SEMA3A: variants seen among roughly 807,000 people sequenced by gnomAD.
SEMA3A encodes semaphorin 3A, also known as semaphorin-3A.
A neutral mutation model predicts 97.9 loss-of-function variants in SEMA3A; 29 were observed. The ratio of observed to expected loss-of-function variants is 0.30; its 90% CI spans 0.22 to 0.40. The LOEUF is 0.40. Ranked by LOEUF, SEMA3A falls within the 10% of genes least tolerant of loss-of-function variation. SEMA3A has a pLI of 1.00. For missense variants in SEMA3A, 763 were observed against 951.3 expected (o/e 0.80, Z 2.60); for synonymous variants, 321 against 323.7 (o/e 0.99, Z 0.09).
chr7:84,342,335 C>T (rs567470496), intron 2 of SEMA3A, among the ~76,000 whole-genome samples: 1 of 152,070 alleles, frequency 6.6e-6, no homozygotes, highest in Non-Finnish European at 1.5e-5. Flanking sequence ...ACACTTGCCA[C>T]TATAGAATTT....
chr7:84,411,907 A>G (rs569004118), intron 1 of SEMA3A, among the ~76,000 whole-genome samples: 2 of 152,264 alleles, frequency 1.3e-5, no homozygotes, highest in South Asian at 4.1e-4. Flanking sequence ...TATAAAATAG[A>G]CACCTTGTAT....
At chr7:83,998,151 C>T (rs986683414) in intron 12 of SEMA3A, among the ~76,000 whole-genome samples, 2 of 152,010 alleles carry the variant, frequency 1.3e-5, no homozygotes, top group East Asian at 1.9e-4. Context: ...AGTACTTGTA[C>T]TGTCATGTAT....
intron 3 of SEMA3A, 117 bp downstream of exon 3, chr7:84,129,006 G>T (rs776729993): frequency 4.8e-5 from 35 of 723,140 alleles, no homozygotes; most frequent in South Asian, 1.4e-4. Flanking sequence ...TATATGAAAA[G>T]ATTCTAACCC....
intron 3 of SEMA3A, among the ~76,000 whole-genome samples, chr7:84,298,472 C>A (rs1464352201): frequency 6.6e-6 from 1 of 152,076 alleles, no homozygotes; most frequent in Non-Finnish European, 1.5e-5. Context: ...AATGGATTCA[C>A]ATAAAATTTA....
intron 2 of SEMA3A, among the ~76,000 whole-genome samples, chr7:84,309,527 G>T (rs980076167): frequency 1.3e-5 from 2 of 152,168 alleles, no homozygotes; most frequent in South Asian, 4.1e-4. Flanking sequence ...AGCAAAGGGT[G>T]TGTAAAGTCC....
chr7:84,325,529 G>A (rs934405508), intron 2 of SEMA3A, among the ~76,000 whole-genome samples: 5 of 151,852 alleles, frequency 3.3e-5, no homozygotes, highest in Admixed American at 3.3e-4. Context: ...TAGCAAGGAA[G>A]GCCATGTGGC....
rs1360591167 is a variant in SEMA3A, at chr7:83,960,609, A to AC, written c.*761dup. ...AAATAAAATGTCCAAAGAAAGCAGC[A>AC]CACCATTGGAATTTTTAAAACAAAA... On this transcript the variant is annotated 3_prime_UTR_variant, in exon 17 of 17. Transcript: ENST00000265362. 6.6e-6 allele frequency: 1 copy of AC among 152,574 alleles called. No homozygotes were observed. Among genetic ancestry groups the AC allele is most frequent in the African/African-American group, 2.4e-5 (1 of 41,436 alleles). 9.5% of individuals were successfully genotyped at this position (152,574 alleles called of 1,614,324 possible). A position where few individuals can be genotyped will look rare whatever the true frequency, so the allele number is the denominator to read the frequency against.
upstream of SEMA3A, among the ~76,000 whole-genome samples, chr7:84,199,573 T>C (rs577878136): frequency 1.3e-5 from 2 of 152,070 alleles, no homozygotes; most frequent in Non-Finnish European, 2.9e-5. Flanking sequence ...TCCGTTTTTT[T>C]TTTTCTTCAA....
At chr7:84,422,728 T>C (rs1471025190) in intron 1 of SEMA3A, among the ~76,000 whole-genome samples, 1 of 152,142 alleles carries the variant, frequency 6.6e-6, no homozygotes, top group African/African-American at 2.4e-5. Flanking sequence ...TTGTTCTCAT[T>C]GGTTTCAAAG....
intron 3 of SEMA3A, among the ~76,000 whole-genome samples, chr7:84,212,382 A>G (rs1296571330): frequency 1.3e-5 from 2 of 152,222 alleles, no homozygotes; most frequent in Non-Finnish European, 2.9e-5. Flanking sequence ...CTTTTCTTTT[A>G]AATGATTCAA....
intron 3 of SEMA3A, among the ~76,000 whole-genome samples, chr7:84,293,137 C>T (rs930484457): frequency 6.6e-6 from 1 of 151,964 alleles, no homozygotes; most frequent in Non-Finnish European, 1.5e-5. Context: ...TATGTCTATA[C>T]CTAAAGCACA....
At chr7:84,177,580 C>G (rs184513430) in intron 1 of SEMA3A, among the ~76,000 whole-genome samples, 207 of 152,038 alleles carry the variant, frequency 1.4e-3, no homozygotes, top group African/African-American at 4.6e-3. Flanking sequence ...ATTATGCTCA[C>G]TTTTTATAAA....
intron 6 of SEMA3A, among the ~76,000 whole-genome samples, chr7:84,033,223 G>T (rs1422533342): frequency 6.6e-6 from 1 of 152,108 alleles, no homozygotes; most frequent in Non-Finnish European, 1.5e-5. Context: ...AAACCCAAAA[G>T]TCACAACCTC....
chr7:84,449,752 T>C (rs1805511740), intron 1 of SEMA3A, among the ~76,000 whole-genome samples: 1 of 152,118 alleles, frequency 6.6e-6, no homozygotes, highest in Admixed American at 6.5e-5. Context: ...CCTCACCATG[T>C]CCTCTGGCAA....
At chr7:84,232,015 T>A (rs1011467094) in intron 3 of SEMA3A, among the ~76,000 whole-genome samples, 2 of 151,614 alleles carry the variant, frequency 1.3e-5, no homozygotes, top group African/African-American at 2.4e-5. Flanking sequence ...TGTGTGTATA[T>A]GTAAATATAT....
chr7:84,433,854 G>T (rs1407718389), intron 1 of SEMA3A, among the ~76,000 whole-genome samples: 1 of 152,066 alleles, frequency 6.6e-6, no homozygotes, highest in African/African-American at 2.4e-5. Context: ...TTTCATGTTT[G>T]TTGGCTGCAT....
chr7:84,274,593 AAATAT>A (rs1800245400), intron 3 of SEMA3A, among the ~76,000 whole-genome samples: 2 of 152,102 alleles, frequency 1.3e-5, no homozygotes, highest in South Asian at 4.1e-4. Context: ...GAAAATAAAT[AAATAT>A]ATCTCTACTA....
intron 1 of SEMA3A, among the ~76,000 whole-genome samples, chr7:84,437,885 C>T (rs1805178272): frequency 1.3e-5 from 2 of 151,778 alleles, no homozygotes; most frequent in South Asian, 4.1e-4. Flanking sequence ...TTATTGTTTC[C>T]TCAAGCCGAT....
At chr7:84,368,132 A>T (rs140881322) in intron 2 of SEMA3A, among the ~76,000 whole-genome samples, 2 of 151,322 alleles carry the variant, frequency 1.3e-5, no homozygotes, top group South Asian at 2.1e-4. Context: ...TAGATAACCC[A>T]TGGTATTTCT....
Sources: gnomAD v4.1 joint callset for allele counts (sites outside exome capture counted in the v4.1 genomes callset) on GRCh38, gnomAD v4.1.1 for gene constraint, MANE v1.5 for transcripts, NCBI Gene and HGNC (gene_info 2026-07-23, HGNC 2026-07-21) for gene names.